The following SPHKAP variants were observed in gnomAD, a reference collection of about 807,000 sequenced individuals.
SPHKAP encodes the protein SPHK1 interactor, AKAP domain containing.
In SPHKAP, 67 loss-of-function variants were observed where a neutral mutation model predicts 137.5. That is an observed-to-expected ratio of 0.49 (90% CI 0.40 to 0.60). The LOEUF (loss-of-function observed/expected upper bound fraction) is 0.60, where lower values mean the gene tolerates loss of function less well. Among genes scored for constraint, SPHKAP ranks in the 20% least tolerant of loss-of-function variants. The pLI is 0.00. For missense variants in SPHKAP, 2,097 were observed against 2,069.3 expected, an observed-to-expected ratio of 1.01 and a Z score of -0.26; for synonymous variants, 813 against 785.3, an observed-to-expected ratio of 1.04 and a Z score of -0.59.
chr2:228,089,414 A>T (rs1328936826), intron 3 of SPHKAP, among the ~76,000 whole-genome samples: 1 of 152,244 alleles, frequency 6.6e-6, no homozygotes, highest in East Asian at 1.9e-4. Flanking sequence ...GGAATGACTT[A>T]AAGTTGAAAC....
At chr2:228,054,200 T>C (rs143460502) in intron 3 of SPHKAP, among the ~76,000 whole-genome samples, 2,123 of 152,238 alleles carry the variant, frequency 0.014, 17 homozygotes, top group Non-Finnish European at 0.024. Context: ...GATTTGATTA[T>C]CACATGGTGA....
At chr2:228,052,616 A>G (rs1177095310) in intron 3 of SPHKAP, among the ~76,000 whole-genome samples, 1 of 152,220 alleles carries the variant, frequency 6.6e-6, no homozygotes, top group Non-Finnish European at 1.5e-5. Context: ...AGTGAGGGTT[A>G]GAATGAGACT....
intron 3 of SPHKAP, among the ~76,000 whole-genome samples, chr2:228,030,756 ACT>A (rs1321411609): frequency 6.7e-6 from 1 of 150,072 alleles, no homozygotes; most frequent in Non-Finnish European, 1.5e-5. Context: ...TTGACTAACT[ACT>A]CTTTGGTCAC....
At chr2:228,148,300 C>T (rs1187876631) in intron 1 of SPHKAP, among the ~76,000 whole-genome samples, 1 of 152,174 alleles carries the variant, frequency 6.6e-6, no homozygotes, top group Non-Finnish European at 1.5e-5. Flanking sequence ...AGTAGAAAAC[C>T]ATCCTCCTTT....
At chr2:228,093,353 T>G (rs1316864951) in intron 3 of SPHKAP, among the ~76,000 whole-genome samples, 2 of 152,190 alleles carry the variant, frequency 1.3e-5, no homozygotes, top group Non-Finnish European at 2.9e-5. Context: ...ACAGTATTAT[T>G]CATAACAGTC....
chr2:228,113,299 C>A (rs1698576723), intron 2 of SPHKAP, among the ~76,000 whole-genome samples: 2 of 152,032 alleles, frequency 1.3e-5, no homozygotes, highest in Non-Finnish European at 2.9e-5. Context: ...GGCTAACATC[C>A]TAACCTACAC....
intron 1 of SPHKAP, among the ~76,000 whole-genome samples, chr2:228,164,659 G>A (rs1433346242): frequency 6.6e-6 from 1 of 152,154 alleles, no homozygotes; most frequent in Non-Finnish European, 1.5e-5. Flanking sequence ...TGGTCCCCAA[G>A]GCTTAACCTA....
chr2:228,137,068 G>C (rs1049614026), intron 1 of SPHKAP, among the ~76,000 whole-genome samples: 2 of 151,900 alleles, frequency 1.3e-5, no homozygotes, highest in Admixed American at 6.6e-5. Flanking sequence ...CTCCTGCCTC[G>C]TTCCCACCCA....
chr2:228,071,697 A>G (rs1181207522), intron 3 of SPHKAP, among the ~76,000 whole-genome samples: 2 of 152,126 alleles, frequency 1.3e-5, no homozygotes, highest in African/African-American at 2.4e-5. Flanking sequence ...TTTCTTTTTA[A>G]TAATGGTCCT....
intron 3 of SPHKAP, among the ~76,000 whole-genome samples, chr2:228,035,725 C>T (rs1348892961): frequency 1.3e-5 from 2 of 152,182 alleles, no homozygotes; most frequent in South Asian, 4.1e-4. Flanking sequence ...AGAAATAATG[C>T]CACATATCTA....
At chr2:228,159,351 A>T (rs1360756868) in intron 1 of SPHKAP, among the ~76,000 whole-genome samples, 3 of 152,272 alleles carry the variant, frequency 2.0e-5, no homozygotes, top group Admixed American at 2.0e-4. Context: ...ACCGTAGGCC[A>T]TCTGTGTTTG....
At chr2:228,161,004 T>A (rs1348322679) in intron 1 of SPHKAP, among the ~76,000 whole-genome samples, 2 of 152,198 alleles carry the variant, frequency 1.3e-5, no homozygotes, top group African/African-American at 4.8e-5. Context: ...CTTAGATGAA[T>A]CTTCCTTTCA....
chr2:228,016,585 C>T lies in SPHKAP; in HGVS notation c.4269G>A (p.Ser1423=), dbSNP rs144013612. 3.7e-6 allele frequency: 6 copies of T among 1,614,070 alleles called. No individual in the cohort carries two copies. Among genetic ancestry groups the T allele is most frequent in the Non-Finnish European group, 5.1e-6 (6 of 1,180,014 alleles). ...PINHKRRSLC[S]REVPLIQIET... is the part of the protein sequence containing the mutation. ...CAATCTGAATCAAAGGCACTTCCCT[C>T]GAGCAAAGTGATCGCCTTTTGTGGT... is the stretch of plus-strand genomic sequence containing the variant. The change falls in exon 7 of 12, where the codon TCG becomes TCA. Residue 1423 remains serine (S), a synonymous_variant. Coordinates refer to ENST00000392056, the MANE Select transcript of SPHKAP (RefSeq NM_001142644.2).
At chr2:228,102,701 T>A (rs1698215744) in intron 3 of SPHKAP, among the ~76,000 whole-genome samples, 1 of 152,146 alleles carries the variant, frequency 6.6e-6, no homozygotes, top group Non-Finnish European at 1.5e-5. Context: ...CACTTCAAGT[T>A]TAGCCTTCAA....
intron 3 of SPHKAP, among the ~76,000 whole-genome samples, chr2:228,041,646 CAAAAAAAA>C (rs58570907): frequency 1.0e-4 from 10 of 95,942 alleles, no homozygotes; most frequent in African/African-American, 3.6e-4. Flanking sequence ...GACTCTGTCT[CAAAAAAAA>C]AAAAAAAAAA....
At chr2:228,038,498 G>A (rs1214527776) in intron 3 of SPHKAP, among the ~76,000 whole-genome samples, 2 of 152,320 alleles carry the variant, frequency 1.3e-5, no homozygotes, top group South Asian at 2.1e-4. Context: ...CTGCATGCTG[G>A]AGCCACCAGC....
chr2:228,173,040 T>G (rs1224774513), intron 1 of SPHKAP: 9 of 985,288 alleles, frequency 9.1e-6, no homozygotes, highest in Non-Finnish European at 1.1e-5. Context: ...AAAGAGTGAA[T>G]TTGGTAGGGT....
intron 1 of SPHKAP, among the ~76,000 whole-genome samples, chr2:228,161,092 A>G (rs1482399645): frequency 2.6e-5 from 4 of 152,210 alleles, no homozygotes; most frequent in Non-Finnish European, 4.4e-5. Flanking sequence ...CACTGTCATG[A>G]ACTGTGAGGC....
chr2:227,984,612 C>T lies in SPHKAP; in HGVS notation c.4960-2752G>A, dbSNP rs113422744. Among the ~76,000 whole-genome samples the T allele has an allele frequency of 9.9e-5, 15 of 152,244 alleles. No homozygotes were observed. In the East Asian group the frequency reaches 1.4e-3, roughly 14 times the overall value. On this transcript the variant is annotated intron_variant, in intron 11 of 11. Coordinates refer to ENST00000392056, the MANE Select transcript of SPHKAP (RefSeq NM_001142644.2). ...ACAAAGGGATGATGACATGCGGCTTCGGAATAGCGGTCTTGAAGGGAATGA... is the reference window on the plus strand; with the variant it reads ...ACAAAGGGATGATGACATGCGGCTTTGGAATAGCGGTCTTGAAGGGAATGA...
Sources: allele counts gnomAD v4.1 joint callset (sites outside exome capture counted in the v4.1 genomes callset), GRCh38; gene constraint gnomAD v4.1.1; transcripts MANE v1.5; gene names NCBI Gene and HGNC (gene_info 2026-07-23, HGNC 2026-07-21).